The following TMEM41B variants were observed in gnomAD, a reference collection of about 807,000 sequenced individuals.
The protein encoded by TMEM41B is protein stasimon.
In TMEM41B, 18 loss-of-function variants were observed where a neutral mutation model predicts 31.9. The ratio of observed to expected loss-of-function variants is 0.56; its 90% confidence interval spans 0.39 to 0.84. The LOEUF is 0.84. TMEM41B is among the 40% of genes least tolerant of loss of function. The probability of loss-of-function intolerance (pLI) is 0.00; values close to 1 mark genes in which losing one functional copy is unlikely to be tolerated. For synonymous variants in TMEM41B, 144 were observed against 124.3 expected (o/e 1.16, Z -1.05); for missense variants, 322 against 348.0 (o/e 0.93, Z 0.59).
At chr11:9,304,141 A>C (rs142288540) in intron 1 of TMEM41B, among the ~76,000 whole-genome samples, 14 of 152,334 alleles carry the variant, frequency 9.2e-5, no homozygotes, top group African/African-American at 3.1e-4. Context: ...TTAATACTCT[A>C]GTTCATTAAC....
intron 1 of TMEM41B, chr11:9,311,222 A>G (rs574677911): frequency 6.8e-7 from 1 of 1,467,368 alleles, no homozygotes; most frequent in African/African-American, 1.4e-5. Flanking sequence ...ATGGCATCTG[A>G]AGCTTGATAG....
At chr11:9,311,580 G>T in intron 1 of TMEM41B, 1 of 1,069,378 alleles carries the variant, frequency 9.4e-7, no homozygotes, top group Non-Finnish European at 1.4e-6. Context: ...GGGGCCTGGG[G>T]GAAAGGGTGG....
At chr11:9,288,564 T>C (rs1274017233) in intron 3 of TMEM41B, 29 bp from the exon 4 acceptor site, 4 of 1,435,746 alleles carry the variant, frequency 2.8e-6, no homozygotes, top group Admixed American at 2.3e-5. Context: ...AGGATTAGAA[T>C]ATAATTAAGT....
intron 5 of TMEM41B, 78 bp downstream of exon 5, chr11:9,287,624 T>C: frequency 3.3e-6 from 3 of 919,656 alleles, no homozygotes; most frequent in Non-Finnish European, 4.9e-6. Context: ...ATACATGTAG[T>C]TAATTCATGT....
chr11:9,284,376 T>C (rs1172600245), intron 6 of TMEM41B, among the ~76,000 whole-genome samples: 2 of 151,252 alleles, frequency 1.3e-5, no homozygotes, highest in East Asian at 2.0e-4. Context: ...TCTCTGTAAC[T>C]CCCAGGCTCA....
chr11:9,305,039 G>A (rs1175847156), intron 1 of TMEM41B, among the ~76,000 whole-genome samples: 1 of 152,124 alleles, frequency 6.6e-6, no homozygotes, highest in Non-Finnish European at 1.5e-5. Flanking sequence ...CAGTCCTCCT[G>A]CCTCAGCCTC....
In TMEM41B at chr11:9,280,772, AAC is replaced by A. The variant is rs1441328234; in HGVS notation, c.*2650_*2651del. ...AGAGAAAGACAGTTAACTAAGAAAG[AAC>A]AGTTTCACTTTCTTAGCTTGTCAAC... On this transcript the variant is annotated 3_prime_UTR_variant, in exon 7 of 7. Coordinates refer to ENST00000528080, the MANE Select transcript of TMEM41B (RefSeq NM_015012.4). The A allele has an allele frequency of 1.3e-5, 2 of 152,206 alleles. No homozygotes were observed. The highest frequency in any genetic ancestry group is 4.8e-5 in the African/African-American group (2 of 41,452). 9.4% of individuals were successfully genotyped at this position (152,206 alleles called of 1,614,324 possible).
chr11:9,304,310 C>G (rs1217764587), intron 1 of TMEM41B, among the ~76,000 whole-genome samples: 1 of 152,060 alleles, frequency 6.6e-6, no homozygotes. Flanking sequence ...TTACCTAATT[C>G]AATACGTATC....
rs975001595 is a variant in TMEM41B at position 9,281,265 on chromosome 11, T to G, written c.*2159A>C. ...ATTTAGTGAATTTGTCCAAAAAGGCTATGTTTAATTTATGTGTAAAAATAA... is the reference window on the plus strand; with the variant it reads ...ATTTAGTGAATTTGTCCAAAAAGGCGATGTTTAATTTATGTGTAAAAATAA... On this transcript the variant is annotated 3_prime_UTR_variant, in exon 7 of 7. Coordinates refer to ENST00000528080, the MANE Select transcript of TMEM41B (RefSeq NM_015012.4). 3.3e-5 allele frequency: 5 copies of G among 152,198 alleles called. No individual in the cohort carries two copies. Among genetic ancestry groups the G allele is most frequent in the African/African-American group, 1.2e-4 (5 of 41,458 alleles). The allele number at this position is 152,198 out of a possible 1,614,324, so 9.4% of individuals were successfully genotyped here.
rs1042671269 is a variant in TMEM41B at position 9,291,694 on chromosome 11, C to T, written c.369-3159G>A. 3.3e-5 allele frequency among the ~76,000 whole-genome samples: 5 copies of T among 150,368 alleles called. No individual in the cohort carries two copies. In the Admixed American group the frequency reaches 3.3e-4, roughly 10 times the overall value. On this transcript the variant is annotated intron_variant, in intron 3 of 6. Transcript: ENST00000528080. ...GGATTACAGGTGTGGCCACCACGCC[C>T]GGCCAATTCCTTTTTTTTTCCTTTC...
chr11:9,304,278 C>T (rs997823030), intron 1 of TMEM41B, among the ~76,000 whole-genome samples: 12 of 152,074 alleles, frequency 7.9e-5, no homozygotes, highest in Non-Finnish European at 1.8e-4. Flanking sequence ...ACCTAACTGT[C>T]ATTACATTTA....
chr11:9,285,888 A>G (rs948918905), intron 6 of TMEM41B, among the ~76,000 whole-genome samples: 2 of 151,948 alleles, frequency 1.3e-5, no homozygotes, highest in Non-Finnish European at 2.9e-5. Flanking sequence ...AGGCTGAGGT[A>G]GGTGGACCAT....
At chr11:9,299,282 C>CAAAAAAAAAAAA (rs1180036082) in intron 2 of TMEM41B, among the ~76,000 whole-genome samples, 1 of 41,712 alleles carries the variant, frequency 2.4e-5, no homozygotes, top group Non-Finnish European at 3.8e-5. Context: ...GACTCTGTCT[C>CAAAAAAAAAAAA]AAAAAAAAAA....
chr11:9,287,673 C>T (rs765519974), intron 5 of TMEM41B, 29 bp downstream of exon 5: 100 of 1,502,222 alleles, frequency 6.7e-5, no homozygotes, highest in Non-Finnish European at 8.6e-5. Context: ...CAAAGAGTTA[C>T]ATCAAATAAT....
rs141945923 is a variant in TMEM41B, at chr11:9,282,304, G to A, written c.*1120C>T. 0.076 allele frequency: 11,434 copies of A among 150,942 alleles called. 463 individuals carry two copies. The highest frequency in any genetic ancestry group is 0.1 in the South Asian group (482 of 4,768). 9.4% of individuals were successfully genotyped at this position (150,942 alleles called of 1,614,324 possible). ...GGGCCAGGAGAATCGCTTGAACCCA[G>A]GAGGCGGAGTTTGCAGTGAGCCGAG... On this transcript the variant is annotated 3_prime_UTR_variant, in exon 7 of 7. Coordinates refer to ENST00000528080, the MANE Select transcript of TMEM41B (RefSeq NM_015012.4).
In TMEM41B at chr11:9,314,508, C is replaced by T. The variant is rs1482922561; in HGVS notation, c.-67G>A. The stretch of plus-strand genomic sequence containing the variant: ...CTAAACAACAAAACTCTGTTGCAGG[C>T]TCCTTACTACGCCGAAGCGCCACGG... On this transcript the variant is annotated 5_prime_UTR_variant, in exon 1 of 7. Coordinates refer to ENST00000528080, the MANE Select transcript of TMEM41B (RefSeq NM_015012.4). 4.0e-6 allele frequency: 6 copies of T among 1,488,654 alleles called. No homozygotes were observed. In the African/African-American group the frequency reaches 4.2e-5, roughly 10 times the overall value. The allele number at this position is 1,488,654 out of a possible 1,614,324, so 92.2% of individuals were successfully genotyped here.
chr11:9,301,817 G>A (rs2133637101), intron 1 of TMEM41B, among the ~76,000 whole-genome samples: 1 of 152,268 alleles, frequency 6.6e-6, no homozygotes, highest in African/African-American at 2.4e-5. Context: ...GGAGGACACA[G>A]TAAGCCAAAG....
chr11:9,299,325 T>TACACAC (rs139794462), intron 2 of TMEM41B, among the ~76,000 whole-genome samples: 41,440 of 122,936 alleles, frequency 0.34, 7,609 homozygotes, highest in East Asian at 0.45. Flanking sequence ...TATACATACA[T>TACACAC]ACACACACAC....
chr11:9,314,526 C>G lies in TMEM41B; in HGVS notation c.-85G>C. 6.9e-7 allele frequency: 1 copy of G among 1,453,128 alleles called. No individual in the cohort carries two copies. Among genetic ancestry groups the G allele is most frequent in the Non-Finnish European group, 9.1e-7 (1 of 1,099,446 alleles). 90.0% of individuals were successfully genotyped at this position (1,453,128 alleles called of 1,614,324 possible). A position where few individuals can be genotyped will look rare whatever the true frequency, so the allele number is the denominator to read the frequency against. On this transcript the variant is annotated 5_prime_UTR_variant, in exon 1 of 7. Coordinates refer to ENST00000528080, the MANE Select transcript of TMEM41B (RefSeq NM_015012.4). ...TTGCAGGCTCCTTACTACGCCGAAG[C>G]GCCACGGCTAGAGCCACTTCCGGCG...
Sources: gnomAD v4.1 joint callset for allele counts (sites outside exome capture counted in the v4.1 genomes callset) on GRCh38, gnomAD v4.1.1 for gene constraint, MANE v1.5 for transcripts, NCBI Gene and HGNC (gene_info 2026-07-23, HGNC 2026-07-21) for gene names.